Variants in TTC19 observed in about 807,000 individuals in gnomAD.
TTC19 encodes tetratricopeptide repeat protein 19, mitochondrial.
In TTC19, 38 loss-of-function variants were observed where a neutral mutation model predicts 49.5. That is an observed-to-expected ratio of 0.77 (90% CI 0.59 to 1.01). The LOEUF (loss-of-function observed/expected upper bound fraction) is 1.01, where lower values mean the gene tolerates loss of function less well. Ranked by LOEUF, TTC19 falls within the 50% of genes least tolerant of loss-of-function variation. The pLI is 0.00. For synonymous variants in TTC19, 204 were observed against 185.2 expected, an observed-to-expected ratio of 1.10 and a Z score of -0.83; for missense variants, 475 against 477.7, an observed-to-expected ratio of 0.99 and a Z score of 0.05.
At chr17:16,044,713 C>T (rs1161769613) in exon 3 of TTC19, 7 of 716,704 alleles carry the variant, frequency 9.8e-6, no homozygotes, top group Non-Finnish European at 1.6e-5. Context: ...TCAATGCCCT[C>T]GTTAAAGCAG....
chr17:16,009,041 G>A (rs73978598), intron 7 of TTC19, among the ~76,000 whole-genome samples: 3,284 of 149,534 alleles, frequency 0.022, 131 homozygotes, highest in African/African-American at 0.08. Context: ...CTAAATCCTC[G>A]GTGCCTAGAA....
rs746243561 is a variant in TTC19 at position 16,027,403 on chromosome 17, C to T, written c.1024C>T (p.Gln342Ter). 5 of 1,614,056 alleles carry T rather than the reference C, an allele frequency of 3.1e-6. No individual in the cohort carries two copies. The Admixed American group carries it at 8.3e-5, about 27-fold the overall frequency. Residue 342 changes from glutamine to a stop codon, truncating the protein, a stop_gained, in exon 10 of 10, where the codon CAG (glutamine) becomes TAG (stop). Coordinates refer to ENST00000261647, the MANE Select transcript of TTC19 (RefSeq NM_017775.4). LOFTEE classifies it high-confidence loss of function. ...ERYTQAKEIY[Q>*]EALKQAKLKK... is the part of the protein sequence containing the mutation. ...ATATACACAAGCAAAAGAGATCTAC[C>T]AGGAAGCACTGAAGCAAGCAAAGCT...
intron 7 of TTC19, among the ~76,000 whole-genome samples, chr17:16,018,255 T>TG (rs34041495): frequency 0.43 from 65,246 of 151,886 alleles, 15,658 homozygotes; most frequent in Middle Eastern, 0.57. Flanking sequence ...GCTTAGTCCC[T>TG]GGTGAACCTT....
chr17:16,044,581 C>T (rs888047100), exon 3 of TTC19: 2 of 534,922 alleles, frequency 3.7e-6, no homozygotes, highest in Non-Finnish European at 7.5e-6. Flanking sequence ...CGGCAACTAC[C>T]ACCACGTCCG....
intron 7 of TTC19, among the ~76,000 whole-genome samples, chr17:16,021,469 C>G (rs1971383180): frequency 6.6e-6 from 1 of 152,162 alleles, no homozygotes. Flanking sequence ...GTAAGCACTA[C>G]CCAGTAAGTT....
intron 7 of TTC19, chr17:16,023,691 G>C (rs1971453620): frequency 6.6e-6 from 1 of 152,148 alleles, no homozygotes; most frequent in African/African-American, 2.4e-5. Context: ...ATAACTCCAA[G>C]AACACTTTTA....
At chr17:16,040,434 A>G (rs780267828) in intron 2 of TTC19, 4 of 1,613,026 alleles carry the variant, frequency 2.5e-6, no homozygotes, top group East Asian at 2.2e-5. Context: ...TGTCTTTTCA[A>G]TCTTACCTGA....
intron 2 of TTC19, among the ~76,000 whole-genome samples, chr17:16,036,653 C>T (rs1483738926): frequency 6.6e-6 from 1 of 152,228 alleles, no homozygotes; most frequent in African/African-American, 2.4e-5. Flanking sequence ...GAGACGGCTT[C>T]TTCAACCTCT....
chr17:16,018,145 C>A (rs78479328), intron 7 of TTC19, among the ~76,000 whole-genome samples: 115 of 152,226 alleles, frequency 7.6e-4, no homozygotes, highest in African/African-American at 2.7e-3. Flanking sequence ...TGCATATTTG[C>A]CTTGTTTTTT....
chr17:16,034,481 G>GC (rs1567616054), intron 2 of TTC19, among the ~76,000 whole-genome samples: 3 of 151,992 alleles, frequency 2.0e-5, no homozygotes, highest in Non-Finnish European at 1.5e-5. Flanking sequence ...GGTCGTGCAC[G>GC]CCTGTAGTCC....
chr17:16,035,564 T>C (rs1235319464), intron 2 of TTC19, among the ~76,000 whole-genome samples: 3 of 142,824 alleles, frequency 2.1e-5, no homozygotes, highest in Non-Finnish European at 4.6e-5. Context: ...AGGCAGGGTC[T>C]CACCTCTGCT....
intron 2 of TTC19, among the ~76,000 whole-genome samples, chr17:16,044,071 G>A (rs1318252290): frequency 6.7e-6 from 1 of 149,824 alleles, no homozygotes; most frequent in Non-Finnish European, 1.5e-5. Context: ...CGGGAGGCTG[G>A]CCCAGGAGAA....
intron 7 of TTC19, among the ~76,000 whole-genome samples, chr17:16,015,840 A>G (rs1175779470): frequency 6.6e-6 from 1 of 152,174 alleles, no homozygotes; most frequent in Non-Finnish European, 1.5e-5. Flanking sequence ...GGAATGTGAT[A>G]TATTTACTAA....
Position 16,039,449 on chromosome 17 carries a change from G to A in TTC19, c.248-5054G>A, listed in dbSNP as rs752130646. The A allele has an allele frequency of 4.3e-6, 7 of 1,613,928 alleles. No homozygotes were observed. In the South Asian group the frequency reaches 7.7e-5, roughly 18 times the overall value. On this transcript the variant is annotated intron_variant, in intron 2 of 2. Transcript: ENST00000470649. ...AAGCTGTACCTGAATGAGGTGATGG[G>A]TCCCCTTCCTCTCTTCGTGTCTCAC...
At chr17:16,021,158 C>T (rs1007453408) in intron 7 of TTC19, among the ~76,000 whole-genome samples, 5 of 152,068 alleles carry the variant, frequency 3.3e-5, no homozygotes, top group Non-Finnish European at 5.9e-5. Flanking sequence ...GAGGCCAAGG[C>T]GGGCGGATCA....
At chr17:16,030,232 G>T (rs1971807142), downstream of TTC19, 1 of 228,296 alleles carries the variant, frequency 4.4e-6, no homozygotes, top group East Asian at 6.5e-5. Context: ...CATCATGAAG[G>T]TCTTCATCCT....
At chr17:16,003,283 C>A (rs1265830238) in intron 4 of TTC19, among the ~76,000 whole-genome samples, 3 of 152,034 alleles carry the variant, frequency 2.0e-5, no homozygotes, top group Non-Finnish European at 2.9e-5. Flanking sequence ...TAAGGTCTTG[C>A]TCTGTTGCCC....
At chr17:16,002,930 C>T (rs1970786242) in intron 4 of TTC19, 99 bp downstream of exon 4, 1 of 1,118,462 alleles carries the variant, frequency 8.9e-7, no homozygotes, top group African/African-American at 1.5e-5. Flanking sequence ...AACAAAGAGA[C>T]CCTAGAATAT....
At chr17:16,008,529 C>G (rs1970976539) in intron 7 of TTC19, among the ~76,000 whole-genome samples, 1 of 152,236 alleles carries the variant, frequency 6.6e-6, no homozygotes, top group South Asian at 2.1e-4. Context: ...CAGGCCATCA[C>G]TGTTTCAAGA....
Sources: gnomAD v4.1 joint callset for allele counts (sites outside exome capture counted in the v4.1 genomes callset) on GRCh38, gnomAD v4.1.1 for gene constraint, MANE v1.5 for transcripts, NCBI Gene and HGNC (gene_info 2026-07-23, HGNC 2026-07-21) for gene names.